Variants in ADARB2 observed in about 807,000 individuals in gnomAD.
ADARB2 encodes adenosine deaminase RNA specific B2 (inactive).
A neutral mutation model predicts 62.2 loss-of-function variants in ADARB2; 25 were observed. The observed-to-expected ratio is 0.40, with a 90% confidence interval of 0.29 to 0.56. ADARB2 has a LOEUF of 0.56. ADARB2 is among the 20% of genes least tolerant of loss of function. ADARB2 has a pLI of 0.43. For synonymous variants in ADARB2, 572 were observed against 500.8 expected, an observed-to-expected ratio of 1.14 and a Z score of -1.90; for missense variants, 1,071 against 1,077.4, an observed-to-expected ratio of 0.99 and a Z score of 0.08.
At chr10:1,237,992 TCCCC>T (rs1225258584) in intron 5 of ADARB2, among the ~76,000 whole-genome samples, 1 of 106 alleles carries the variant, frequency 9.4e-3, no homozygotes. Flanking sequence ...CGGTGTTTAC[TCCCC>T]CCCTGCCTCC....
At chr10:1,625,672 C>T (rs1833757068) in intron 1 of ADARB2, among the ~76,000 whole-genome samples, 1 of 152,104 alleles carries the variant, frequency 6.6e-6, no homozygotes, top group South Asian at 2.1e-4. Flanking sequence ...TGACACATGT[C>T]CACTGACCAT....
chr10:1,337,143 G>A (rs909985600), intron 3 of ADARB2, among the ~76,000 whole-genome samples: 1 of 151,702 alleles, frequency 6.6e-6, no homozygotes, highest in African/African-American at 2.4e-5. Context: ...TAATTACTAG[G>A]GGAAAATAGA....
intron 1 of ADARB2, among the ~76,000 whole-genome samples, chr10:1,719,473 T>C (rs1040488699): frequency 6.6e-6 from 1 of 152,228 alleles, no homozygotes. Context: ...CCTAGCTCCA[T>C]TGAATCAGAA....
At chr10:1,400,831 GGGCTTA>G (rs1832655443) in intron 1 of ADARB2, among the ~76,000 whole-genome samples, 1 of 152,178 alleles carries the variant, frequency 6.6e-6, no homozygotes, top group Non-Finnish European at 1.5e-5. Flanking sequence ...TTGAGTGGGA[GGGCTTA>G]TGGCTTTGGA....
chr10:1,359,267 C>T (rs1307037764), intron 3 of ADARB2, among the ~76,000 whole-genome samples: 1 of 152,184 alleles, frequency 6.6e-6, no homozygotes, highest in Middle Eastern at 3.2e-3. Context: ...GGAGAGGAGA[C>T]TGGCCTGCAA....
At chr10:1,585,339 C>A (rs1171038464) in intron 1 of ADARB2, among the ~76,000 whole-genome samples, 1 of 152,048 alleles carries the variant, frequency 6.6e-6, no homozygotes, top group Non-Finnish European at 1.5e-5. Flanking sequence ...GGAACTGCAT[C>A]GGACAAACCT....
intron 3 of ADARB2, among the ~76,000 whole-genome samples, chr10:1,337,062 C>CTGTGTGTGTGTGTGTGTGTGTG (rs145511384): frequency 2.1e-5 from 3 of 142,046 alleles, no homozygotes; most frequent in African/African-American, 8.1e-5. Context: ...TTAAAGATTT[C>CTGTGTGTGTGTGTGTGTGTGTG]TGTGTGTGTG....
intron 7 of ADARB2, among the ~76,000 whole-genome samples, chr10:1,210,656 C>G (rs1837138654): frequency 1.3e-5 from 2 of 152,236 alleles, no homozygotes; most frequent in Admixed American, 6.5e-5. Context: ...TCCTATTTCA[C>G]GTCATGGCCA....
intron 3 of ADARB2, among the ~76,000 whole-genome samples, chr10:1,343,727 A>G (rs1465980204): frequency 1.3e-5 from 2 of 152,254 alleles, no homozygotes; most frequent in Non-Finnish European, 2.9e-5. Flanking sequence ...CTGCAGGAAC[A>G]TGGATGGAGC....
rs1832631767 is a variant in ADARB2 at position 1,398,167 on chromosome 10, TCCTC to T, written c.101-19011_101-19008del. ...CGAGTGCAGGCTTCCTGGGTCACCG[TCCTC>T]CTCTCCCGTCCCGAGTGCAGGCTTC... is the stretch of plus-strand genomic sequence containing the variant. On this transcript the variant is annotated intron_variant, in intron 1 of 9. Transcript: ENST00000381312. This position sits in a 1 kb window ranked among gnomAD's most constrained non-coding sequence, Gnocchi z 4.1. 7.2e-6 allele frequency among the ~76,000 whole-genome samples: 1 copy of T among 139,044 alleles called. No individual in the cohort carries two copies. The highest frequency in any genetic ancestry group is 2.7e-5 in the African/African-American group (1 of 36,384). The allele number at this position is 139,044 out of a possible 152,430, so 91.2% of individuals were successfully genotyped here.
intron 1 of ADARB2, among the ~76,000 whole-genome samples, chr10:1,431,337 C>G (rs187507141): frequency 2.6e-5 from 4 of 152,166 alleles, no homozygotes; most frequent in Non-Finnish European, 4.4e-5. Flanking sequence ...CTAAATAACC[C>G]ATGTATCAGA....
rs11250730 is a variant in ADARB2 at position 1,689,053 on chromosome 10, C to T, written c.100+47998G>A. Among the ~76,000 whole-genome samples the T allele has an allele frequency of 3.7e-3, 567 of 152,184 alleles. 4 individuals carry two copies. The highest frequency in any genetic ancestry group is 0.012 in the African/African-American group (510 of 41,492). Reference sequence around the variant, plus strand: ...AAGAATTTCCCAAGACAGGTGCCAGCAAAGAAAGGCAGATTTGTTAGAGAA... The same window carrying T: ...AAGAATTTCCCAAGACAGGTGCCAGTAAAGAAAGGCAGATTTGTTAGAGAA... On this transcript the variant is annotated intron_variant, in intron 1 of 9. Transcript: ENST00000381312.
At chr10:1,583,516 T>G (rs897907995) in intron 1 of ADARB2, among the ~76,000 whole-genome samples, 2 of 152,190 alleles carry the variant, frequency 1.3e-5, no homozygotes, top group Admixed American at 6.5e-5. Flanking sequence ...CCAAGTCAGA[T>G]GCTTAGGTAT....
At chr10:1,487,371 C>T (rs1200678688) in intron 1 of ADARB2, among the ~76,000 whole-genome samples, 2 of 152,248 alleles carry the variant, frequency 1.3e-5, no homozygotes, top group African/African-American at 4.8e-5. Flanking sequence ...TCACACTTCT[C>T]GTAAACAGAA....
In ADARB2 at chr10:1,717,734, C is replaced by A. The variant is rs534030737; in HGVS notation, c.100+19317G>T. ...CTGGGACTACAAGCACACACCACCACGCTGGACTAACTTTTGTATTTTTAG... is the reference window on the plus strand; with the variant it reads ...CTGGGACTACAAGCACACACCACCAAGCTGGACTAACTTTTGTATTTTTAG... On this transcript the variant is annotated intron_variant, in intron 1 of 9. Transcript: ENST00000381312. Among the ~76,000 whole-genome samples the A allele has an allele frequency of 1.7e-4, 26 of 152,056 alleles. 1 individual carries two copies. In the South Asian group the frequency reaches 5.4e-3, roughly 32 times the overall value.
intron 3 of ADARB2, among the ~76,000 whole-genome samples, chr10:1,310,633 T>C (rs920455450): frequency 2.0e-5 from 3 of 152,138 alleles, no homozygotes; most frequent in African/African-American, 7.2e-5. Context: ...GGGGTGACAG[T>C]GGAGGCTGCT....
intron 1 of ADARB2, among the ~76,000 whole-genome samples, chr10:1,610,152 A>G (rs1031767393): frequency 6.6e-6 from 1 of 152,084 alleles, no homozygotes; most frequent in Non-Finnish European, 1.5e-5. Flanking sequence ...AAATGCTCCT[A>G]GGCCCCCTCC....
intron 1 of ADARB2, among the ~76,000 whole-genome samples, chr10:1,630,343 G>A (rs1186314731): frequency 6.6e-6 from 1 of 152,118 alleles, no homozygotes; most frequent in Non-Finnish European, 1.5e-5. Context: ...CAGTACAGAA[G>A]CAAGGCAGGG....
intron 4 of ADARB2, among the ~76,000 whole-genome samples, chr10:1,258,820 C>A (rs1187338175): frequency 6.6e-6 from 1 of 152,190 alleles, no homozygotes; most frequent in Non-Finnish European, 1.5e-5. Context: ...CTACAGAAGT[C>A]TCCACCCCAA....
Sources: gnomAD v4.1 joint callset for allele counts (sites outside exome capture counted in the v4.1 genomes callset) on GRCh38, gnomAD v4.1.1 for gene constraint, Gnocchi (gnomAD v3.1) non-coding constraint, MANE v1.5 for transcripts, NCBI Gene and HGNC (gene_info 2026-07-23, HGNC 2026-07-21) for gene names.